Variants in AMTN observed in about 807,000 individuals in gnomAD.
AMTN encodes amelotin, also known as RSTI689.
In AMTN, 29 loss-of-function variants were observed where a neutral mutation model predicts 27.4. That is an observed-to-expected ratio of 1.06 (90% CI 0.79 to 1.44). The LOEUF (loss-of-function observed/expected upper bound fraction) is 1.44. Ranked by LOEUF, AMTN falls within the 40% of genes most tolerant of loss-of-function variation. The pLI, the probability that AMTN is intolerant of heterozygous loss-of-function variation, is 0.00. For synonymous variants in AMTN, 86 were observed against 95.7 expected (o/e 0.90, Z 0.59); for missense variants, 247 against 248.8 (o/e 0.99, Z 0.05).
chr4:70,520,983 C>T (rs1452244717), intron 2 of AMTN, among the ~76,000 whole-genome samples: 1 of 152,048 alleles, frequency 6.6e-6, no homozygotes, highest in Non-Finnish European at 1.5e-5. Flanking sequence ...ATGGCCAGAG[C>T]AGAGTGAGGG....
intron 2 of AMTN, among the ~76,000 whole-genome samples, chr4:70,519,568 C>T (rs1250920070): frequency 3.3e-5 from 5 of 152,010 alleles, no homozygotes; most frequent in Non-Finnish European, 2.9e-5. Flanking sequence ...TGCATCCATT[C>T]GTACAATCAA....
chr4:70,522,704 A>G (rs1736005649), intron 2 of AMTN, 51 bp from the exon 3 acceptor site: 2 of 1,577,408 alleles, frequency 1.3e-6, no homozygotes, highest in Admixed American at 3.3e-5. Context: ...ATGGACACAA[A>G]ATCTTAAACA....
At chr4:70,526,226 A>G (rs1484613145) in intron 5 of AMTN, among the ~76,000 whole-genome samples, 1 of 152,218 alleles carries the variant, frequency 6.6e-6, no homozygotes, top group Non-Finnish European at 1.5e-5. Context: ...TATACACATA[A>G]GTACATTTTT....
intron 2 of AMTN, among the ~76,000 whole-genome samples, chr4:70,522,475 A>G (rs1735995373): frequency 6.6e-6 from 1 of 152,188 alleles, no homozygotes; most frequent in South Asian, 2.1e-4. Flanking sequence ...AAAGAAAGGT[A>G]CAGAAAAGAA....
At position 70,522,828 on chromosome 4, in the gene AMTN, A is replaced by G; in HGVS notation, c.128A>G (p.Gln43Arg). 6.2e-7 allele frequency: 1 copy of G among 1,613,850 alleles called. No homozygotes were observed. Among genetic ancestry groups the G allele is most frequent in the Non-Finnish European group, 8.5e-7 (1 of 1,179,810 alleles). ...CAGGGAACACTACCAAACCAACAGCAGTCAAATCAGGTAAGAGTCCTACAA... is the reference window on the plus strand; with the variant it reads ...CAGGGAACACTACCAAACCAACAGCGGTCAAATCAGGTAAGAGTCCTACAA... ...PDQGTLPNQQ[Q>R]SNQVFPSLSL... is the part of the protein sequence containing the mutation. The change falls in exon 3 of 9, where the codon CAG becomes CGG. Residue 43 changes from glutamine to arginine, a missense_variant. Coordinates refer to ENST00000339336, the MANE Select transcript of AMTN (RefSeq NM_212557.4).
rs200331132 is a variant in AMTN, at chr4:70,518,789, G to A, written c.12G>A (p.Thr4=). 97 of 1,607,360 alleles carry A rather than the reference G, an allele frequency of 6.0e-5. No homozygotes were observed. The East Asian group carries it at 1.1e-3, about 19-fold the overall frequency. MRS[T]ILLFCLLGST... ...TAGCAATCTGAAACATGAGGAGTACGATTCTACTGTTTTGTCTTCTAGGAT... is the reference window on the plus strand; with the variant it reads ...TAGCAATCTGAAACATGAGGAGTACAATTCTACTGTTTTGTCTTCTAGGAT... Residue 4 remains threonine (T), a synonymous_variant, in exon 2 of 9, where the codon ACG becomes ACA. Coordinates refer to ENST00000339336, the MANE Select transcript of AMTN (RefSeq NM_212557.4).
intron 2 of AMTN, among the ~76,000 whole-genome samples, chr4:70,519,731 A>G (rs1259428992): frequency 6.6e-6 from 1 of 151,228 alleles, no homozygotes; most frequent in African/African-American, 2.4e-5. Context: ...ATTTTTACCA[A>G]TGTCACTTGC....
At chr4:70,521,641 T>TCTCTC (rs1491483946) in intron 2 of AMTN, among the ~76,000 whole-genome samples, 1 of 7,586 alleles carries the variant, frequency 1.3e-4, no homozygotes, top group Non-Finnish European at 2.8e-4. Flanking sequence ...CCAACCTCTC[T>TCTCTC]TTTTTTTTTT....
chr4:70,527,863 AT>A (rs1166760586), intron 5 of AMTN, among the ~76,000 whole-genome samples: 3 of 152,184 alleles, frequency 2.0e-5, no homozygotes, highest in Non-Finnish European at 4.4e-5. Context: ...AATTTATAAT[AT>A]TTAGTTTGTT....
chr4:70,525,000 A>C, intron 5 of AMTN, 39 bp downstream of exon 5: 1 of 1,579,402 alleles, frequency 6.3e-7, no homozygotes, highest in Non-Finnish European at 8.7e-7. Context: ...AACATTAGAG[A>C]GCATTTTCTC....
intron 5 of AMTN, among the ~76,000 whole-genome samples, chr4:70,525,577 A>T (rs1048162648): frequency 6.6e-6 from 1 of 152,156 alleles, no homozygotes; most frequent in African/African-American, 2.4e-5. Context: ...TTTTTACCTT[A>T]TCGAAACTTT....
chr4:70,532,016 T>C (rs1736236147), intron 8 of AMTN, among the ~76,000 whole-genome samples: 1 of 152,194 alleles, frequency 6.6e-6, no homozygotes, highest in Admixed American at 6.5e-5. Flanking sequence ...CTGAAAATAC[T>C]TGAAAGCAGA....
At position 70,532,498 on chromosome 4, in the gene AMTN, G is replaced by A. The variant is rs772104322; in HGVS notation, c.*33G>A. The A allele has an allele frequency of 2.3e-5, 37 of 1,599,360 alleles. No individual in the cohort carries two copies. Among genetic ancestry groups the A allele is most frequent in the Middle Eastern group, 3.3e-4 (2 of 6,048 alleles). On this transcript the variant is annotated 3_prime_UTR_variant, in exon 9 of 9. Coordinates refer to ENST00000339336, the MANE Select transcript of AMTN (RefSeq NM_212557.4). ...CAAATTTTTTCAACTAAGCTGCCTC[G>A]AATTTGGTGATACATGTGAATCTTT...
intron 2 of AMTN, among the ~76,000 whole-genome samples, chr4:70,519,656 A>T (rs1735905110): frequency 6.6e-6 from 1 of 152,190 alleles, no homozygotes; most frequent in Non-Finnish European, 1.5e-5. Context: ...AGGGAAAAAA[A>T]GGCATAATCC....
At chr4:70,520,359 G>C (rs1735928671) in intron 2 of AMTN, among the ~76,000 whole-genome samples, 2 of 152,160 alleles carry the variant, frequency 1.3e-5, no homozygotes, top group Admixed American at 6.5e-5. Flanking sequence ...AATGTATTGA[G>C]TTAGCATAAA....
At chr4:70,520,438 C>G (rs534251348) in intron 2 of AMTN, among the ~76,000 whole-genome samples, 3 of 152,172 alleles carry the variant, frequency 2.0e-5, no homozygotes, top group Admixed American at 6.5e-5. Context: ...TTCAGTAGAT[C>G]AAAATTTTGA....
At chr4:70,523,724 G>C (rs1408843575) in intron 3 of AMTN, 144 bp from the exon 4 acceptor site, 7 of 674,940 alleles carry the variant, frequency 1.0e-5, no homozygotes, top group South Asian at 2.0e-5. Context: ...ATGCTAGTGA[G>C]AGGCCCCGAG....
rs1736217161 is a variant in AMTN, at chr4:70,531,259, G to A, written c.578G>A (p.Ser193Asn). The change falls in exon 8 of 9, where the codon AGC becomes AAC. Residue 193 changes from serine (S) to asparagine (N), a missense_variant. By Grantham distance (46) the Ser-to-Asn change is conservative. Coordinates refer to ENST00000339336, the MANE Select transcript of AMTN (RefSeq NM_212557.4). ...ACCACCCCTGCAGGCATCCAAAGGAGCACACATGCCATCGAGGAAGCCACC... is the reference window on the plus strand; with the variant it reads ...ACCACCCCTGCAGGCATCCAAAGGAACACACATGCCATCGAGGAAGCCACC... ...AVTTPAGIQR[S>N]THAIEEATTE... 2 of 1,613,906 alleles carry A rather than the reference G, an allele frequency of 1.2e-6. No individual in the cohort carries two copies. Among genetic ancestry groups the A allele is most frequent in the African/African-American group, 1.3e-5 (1 of 74,920 alleles).
chr4:70,528,223 T>C (rs552071360), intron 5 of AMTN, among the ~76,000 whole-genome samples: 4 of 79,824 alleles, frequency 5.0e-5, no homozygotes, highest in Non-Finnish European at 1.1e-4. Flanking sequence ...GGTTTCTAAA[T>C]CTCTTGGGAC....
Sources: allele counts gnomAD v4.1 joint callset (sites outside exome capture counted in the v4.1 genomes callset), GRCh38; gene constraint gnomAD v4.1.1; transcripts MANE v1.5; gene names NCBI Gene and HGNC (gene_info 2026-07-23, HGNC 2026-07-21).